ENPP6: variants seen among roughly 807,000 people sequenced by gnomAD.
ENPP6 encodes ectonucleotide pyrophosphatase/phosphodiesterase 6, also known as glycerophosphocholine cholinephosphodiesterase ENPP6.
ENPP6 carries 32 observed loss-of-function variants against 42.0 expected under a neutral mutation model. The observed-to-expected ratio is 0.76, with a 90% CI of 0.58 to 1.02. The LOEUF (loss-of-function observed/expected upper bound fraction) is 1.02. Among genes scored for constraint, ENPP6 ranks in the 50% least tolerant of loss-of-function variants. The pLI, the probability that ENPP6 is intolerant of heterozygous loss-of-function variation, is 0.00. For synonymous variants in ENPP6, 213 were observed against 216.0 expected, an observed-to-expected ratio of 0.99 and a Z score of 0.12; for missense variants, 552 against 566.8, an observed-to-expected ratio of 0.97 and a Z score of 0.27.
At position 184,153,559 on chromosome 4, in the gene ENPP6, C is replaced by A; in HGVS notation, c.416G>T (p.Trp139Leu). ...KAKRKVYMYY[W>L]PGCEVEILGV... ...ATGGATGTTCACACACTCACCTGGC[C>A]AGTAGTACATGTAGACCTTCCTTTT... The change falls in exon 2 of 8, where the codon TGG becomes TTG. Residue 139 changes from tryptophan (W) to leucine (L), a missense_variant. Around this residue, in one of 2 missense-constraint regions of ENPP6, gnomAD observed 545 missense variants for 546.3 expected, o/e 1.00. Coordinates refer to ENST00000296741, the MANE Select transcript of ENPP6 (RefSeq NM_153343.4). 6.2e-7 allele frequency: 1 copy of A among 1,612,514 alleles called. No individual in the cohort carries two copies. The highest frequency in any genetic ancestry group is 8.5e-7 in the Non-Finnish European group (1 of 1,179,346).
At chr4:184,095,976 G>A (rs182779869) in intron 7 of ENPP6, among the ~76,000 whole-genome samples, 1 of 152,122 alleles carries the variant, frequency 6.6e-6, no homozygotes, top group Non-Finnish European at 1.5e-5. Flanking sequence ...ACTGGTTAAA[G>A]GTAGCATGTT....
At chr4:184,211,814 A>G (rs894684843) in intron 1 of ENPP6, among the ~76,000 whole-genome samples, 4 of 151,858 alleles carry the variant, frequency 2.6e-5, no homozygotes, top group Non-Finnish European at 5.9e-5. Context: ...AATATCCTTC[A>G]TGAACATTGA....
intron 1 of ENPP6, among the ~76,000 whole-genome samples, chr4:184,215,941 G>C (rs1420221083): frequency 6.6e-6 from 1 of 152,190 alleles, no homozygotes; most frequent in Non-Finnish European, 1.5e-5. Flanking sequence ...CAGGAGTGTG[G>C]ATCTGACAAA....
At chr4:184,135,405 T>C (rs1560988911) in intron 2 of ENPP6, among the ~76,000 whole-genome samples, 2 of 152,216 alleles carry the variant, frequency 1.3e-5, no homozygotes, top group Non-Finnish European at 2.9e-5. Flanking sequence ...AACTGTTACA[T>C]CTTCTTAGCA....
rs141097592 is a variant in ENPP6, at chr4:184,126,679, T to A, written c.422-2407A>T. Among the ~76,000 whole-genome samples the A allele has an allele frequency of 5.2e-3, 799 of 152,300 alleles. 9 individuals are homozygous for A. Among genetic ancestry groups the A allele is most frequent in the South Asian group, 0.038 (182 of 4,824 alleles). ...AAGAATTCCTCAGTGACCCAAGAAG[T>A]TGGCAGCATGAATTCTCTATGTAAA... On this transcript the variant is annotated intron_variant, in intron 2 of 7. Coordinates refer to ENST00000296741, the MANE Select transcript of ENPP6 (RefSeq NM_153343.4).
intron 1 of ENPP6, among the ~76,000 whole-genome samples, chr4:184,205,955 G>C (rs536270146): frequency 3.1e-4 from 47 of 152,324 alleles, no homozygotes; most frequent in Non-Finnish European, 5.0e-4. Context: ...GCAGCTCCCA[G>C]CCAGGGAACT....
intron 2 of ENPP6, 57 bp downstream of exon 2, chr4:184,153,497 C>T (rs539778731): frequency 1.3e-6 from 2 of 1,516,848 alleles, no homozygotes; most frequent in East Asian, 2.4e-5. Context: ...TTGACACCGA[C>T]TGTCCTCAGA....
intron 7 of ENPP6, among the ~76,000 whole-genome samples, chr4:184,092,211 T>A (rs1047921574): frequency 2.6e-5 from 4 of 152,048 alleles, no homozygotes; most frequent in African/African-American, 9.7e-5. Flanking sequence ...CAGGTCTTGA[T>A]GGAATGTGAA....
rs148697733 is a variant in ENPP6, at chr4:184,208,457, C to T, written c.241+9122G>A. 9.3e-3 allele frequency among the ~76,000 whole-genome samples: 1,411 copies of T among 152,208 alleles called. 25 individuals carry two copies. Among genetic ancestry groups the T allele is most frequent in the African/African-American group, 0.032 (1,324 of 41,516 alleles). ...ACAAGGGGTCAGGGAGTTCCCTTTCCGAGTCAAAGAAAGGGGTGACGGATG... is the reference window on the plus strand; with the variant it reads ...ACAAGGGGTCAGGGAGTTCCCTTTCTGAGTCAAAGAAAGGGGTGACGGATG... On this transcript the variant is annotated intron_variant, in intron 1 of 7. Transcript: ENST00000296741.
chr4:184,185,417 C>G (rs954374496), intron 1 of ENPP6, among the ~76,000 whole-genome samples: 10 of 152,200 alleles, frequency 6.6e-5, no homozygotes, highest in Non-Finnish European at 1.2e-4. Flanking sequence ...CCTCAAAACA[C>G]AAACCTGTGG....
intron 6 of ENPP6, among the ~76,000 whole-genome samples, chr4:184,104,461 C>T (rs780821408): frequency 6.6e-6 from 1 of 152,198 alleles, no homozygotes; most frequent in Non-Finnish European, 1.5e-5. Context: ...AATCTTTCCC[C>T]ATCCTACCTT....
rs578170600 is a variant in ENPP6 at position 184,168,647 on chromosome 4, T to A, written c.242-14914A>T. On this transcript the variant is annotated intron_variant, in intron 1 of 7. Coordinates refer to ENST00000296741, the MANE Select transcript of ENPP6 (RefSeq NM_153343.4). ...CCACCGCCCGCAGCCGTCCCCGTAG[T>A]CCGCCGAGAGGCGCCAGGCTGGGCC... 7.0e-4 allele frequency among the ~76,000 whole-genome samples: 106 copies of A among 152,322 alleles called. 1 individual carries two copies. The highest frequency in any genetic ancestry group is 2.5e-3 in the African/African-American group (102 of 41,582).
chr4:184,165,289 T>G (rs1201034732), intron 1 of ENPP6, among the ~76,000 whole-genome samples: 1 of 152,218 alleles, frequency 6.6e-6, no homozygotes, highest in Non-Finnish European at 1.5e-5. Context: ...CTCTAGGAGA[T>G]GGAGAATATT....
Position 184,120,618 on chromosome 4 carries a change from G to A in ENPP6, c.534-2718C>T, listed in dbSNP as rs571176283. ...CTGAACCACGAATATCCTGCAAATC[G>A]GACTTCCAGAAGGATGGGAGTAAGT... On this transcript the variant is annotated intron_variant, in intron 3 of 7. Transcript: ENST00000296741. 1.8e-4 allele frequency among the ~76,000 whole-genome samples: 28 copies of A among 152,256 alleles called. No homozygotes were observed. The South Asian group carries it at 2.5e-3, about 14-fold the overall frequency.
In ENPP6 at chr4:184,125,248, G is replaced by A. The variant is rs115180508; in HGVS notation, c.422-976C>T. Among the ~76,000 whole-genome samples the A allele has an allele frequency of 4.0e-3, 615 of 152,248 alleles. 8 individuals carry two copies. The highest frequency in any genetic ancestry group is 0.013 in the African/African-American group (553 of 41,544). Reference sequence around the variant, plus strand: ...CTCCTGAAAGCCTTCCTCAGGTCCCGATGTTGGGCTCAGTTTTGTAGATTT... The same window carrying A: ...CTCCTGAAAGCCTTCCTCAGGTCCCAATGTTGGGCTCAGTTTTGTAGATTT... On this transcript the variant is annotated intron_variant, in intron 2 of 7. Transcript: ENST00000296741.
chr4:184,163,622 T>A (rs1031495342), intron 1 of ENPP6, among the ~76,000 whole-genome samples: 3 of 152,246 alleles, frequency 2.0e-5, no homozygotes, highest in Non-Finnish European at 4.4e-5. Flanking sequence ...GTTATATCGC[T>A]GAACAATCAG....
intron 7 of ENPP6, among the ~76,000 whole-genome samples, chr4:184,095,104 G>A (rs944815019): frequency 6.6e-6 from 1 of 152,220 alleles, no homozygotes; most frequent in Admixed American, 6.5e-5. Context: ...GAGAACTGGA[G>A]CCAGAACGTG....
intron 1 of ENPP6, among the ~76,000 whole-genome samples, chr4:184,181,994 G>T (rs557611932): frequency 2.0e-5 from 3 of 151,948 alleles, no homozygotes; most frequent in Non-Finnish European, 4.4e-5. Context: ...TGCAACAAAT[G>T]CAAAAATCGA....
Position 184,130,566 on chromosome 4 carries a change from CA to C in ENPP6, c.422-6295del, listed in dbSNP as rs543323009. On this transcript the variant is annotated intron_variant, in intron 2 of 7. Transcript: ENST00000296741. ...GAGCGAGACTCCAAATCAAACAAAA[CA>C]AAACAAAAAAAAAAGAGCTTGGGTT... Among the ~76,000 whole-genome samples the C allele has an allele frequency of 5.8e-3, 199 of 34,310 alleles. 42 individuals are homozygous for C. In the South Asian group the frequency reaches 0.17, roughly 29 times the overall value. 22.5% of individuals were successfully genotyped at this position (34,310 alleles called of 152,430 possible). A position where few individuals can be genotyped will look rare whatever the true frequency, so the allele number is the denominator to read the frequency against.
Sources: gnomAD v4.1 joint callset for allele counts (sites outside exome capture counted in the v4.1 genomes callset) on GRCh38, gnomAD v4.1.1 for gene constraint, gnomAD v4.1.1 regional missense constraint, MANE v1.5 for transcripts, NCBI Gene and HGNC (gene_info 2026-07-23, HGNC 2026-07-21) for gene names.